The following FDFT1 variants were observed in gnomAD, a reference collection of about 807,000 sequenced individuals.
The protein encoded by FDFT1 is squalene synthase.
FDFT1 carries 68 observed loss-of-function variants against 46.8 expected under a neutral mutation model. The observed-to-expected ratio is 1.45, with a 90% confidence interval of 1.19 to 1.78. The LOEUF (loss-of-function observed/expected upper bound fraction) is 1.78, where lower values mean the gene tolerates loss of function less well. FDFT1 is among the 40% of genes most tolerant of loss of function. The probability of loss-of-function intolerance (pLI) is 0.00; values close to 1 mark genes in which losing one functional copy is unlikely to be tolerated. For missense variants in FDFT1, 928 were observed against 524.4 expected, an observed-to-expected ratio of 1.77 and a Z score of -7.52; for synonymous variants, 351 against 185.1, an observed-to-expected ratio of 1.90 and a Z score of -7.28.
intron 7 of FDFT1, among the ~76,000 whole-genome samples, chr8:11,835,063 G>A (rs952604225): frequency 2.6e-5 from 4 of 152,198 alleles, no homozygotes; most frequent in Non-Finnish European, 5.9e-5. Flanking sequence ...GGTGGAGGTT[G>A]TAGTGAGCTG....
chr8:11,819,127 G>C (rs983083436), intron 3 of FDFT1, among the ~76,000 whole-genome samples: 2 of 152,164 alleles, frequency 1.3e-5, no homozygotes, highest in African/African-American at 2.4e-5. Flanking sequence ...AGTTTGGCTG[G>C]TTATGAGATT....
upstream of FDFT1, among the ~76,000 whole-genome samples, chr8:11,799,992 A>G (rs928173670): frequency 4.0e-5 from 6 of 149,746 alleles, no homozygotes; most frequent in Non-Finnish European, 7.4e-5. Flanking sequence ...GGCTGGGCGC[A>G]GTGGCTTGCC....
chr8:11,832,391 C>T (rs1243850540), intron 7 of FDFT1, among the ~76,000 whole-genome samples: 2 of 151,164 alleles, frequency 1.3e-5, no homozygotes, highest in African/African-American at 4.9e-5. Context: ...CCCATTTCTA[C>T]AAAAAATTTA....
upstream of FDFT1, among the ~76,000 whole-genome samples, chr8:11,799,870 T>A (rs1038308140): frequency 2.1e-5 from 3 of 139,896 alleles, no homozygotes; most frequent in African/African-American, 8.1e-5. Flanking sequence ...CACTTGAACC[T>A]GGGAGCCAGA....
chr8:11,810,514 T>A (rs940897190), intron 3 of FDFT1, among the ~76,000 whole-genome samples: 114 of 152,372 alleles, frequency 7.5e-4, no homozygotes, highest in African/African-American at 2.7e-3. Flanking sequence ...AGGATTAATT[T>A]CGCACATATA....
In FDFT1 at chr8:11,821,934, T is replaced by A. The variant is rs145714111; in HGVS notation, c.510+56T>A. 628 of 1,585,490 alleles carry A rather than the reference T, an allele frequency of 4.0e-4. 2 individuals are homozygous for A. The African/African-American group carries it at 7.5e-3, about 19-fold the overall frequency. ...ATGTATTAGACAGAGCTGGCAGTCC[T>A]CATAGTGAAGCTCAGAACAAGAAAA... On this transcript the variant is annotated intron_variant, in intron 4 of 7. Coordinates refer to ENST00000220584, the MANE Select transcript of FDFT1 (RefSeq NM_004462.5).
At chr8:11,827,942 C>G (rs1416702182) in intron 5 of FDFT1, among the ~76,000 whole-genome samples, 1 of 152,020 alleles carries the variant, frequency 6.6e-6, no homozygotes, top group Non-Finnish European at 1.5e-5. Flanking sequence ...TGACTCCTGC[C>G]TATAATCCCA....
At chr8:11,805,537 G>C (rs1397613743) in intron 1 of FDFT1, among the ~76,000 whole-genome samples, 1 of 152,150 alleles carries the variant, frequency 6.6e-6, no homozygotes, top group Non-Finnish European at 1.5e-5. Flanking sequence ...TAAGTTAGGT[G>C]AACAACCTTG....
At chr8:11,830,797 C>G (rs934029642) in intron 6 of FDFT1, among the ~76,000 whole-genome samples, 1 of 152,200 alleles carries the variant, frequency 6.6e-6, no homozygotes, top group African/African-American at 2.4e-5. Context: ...TTACTGCTGT[C>G]CTTTTCCTAG....
In FDFT1 at chr8:11,833,045, G is replaced by C. The variant is rs141227374; in HGVS notation, c.1032+1375G>C. Among the ~76,000 whole-genome samples, 502 of 152,234 alleles carry C rather than the reference G, an allele frequency of 3.3e-3. 2 individuals are homozygous for C. The highest frequency in any genetic ancestry group is 0.011 in the African/African-American group (475 of 41,534). ...TTCCTCCCTACCTTTATCTGACACA[G>C]AAATGCTGTATGTCCAGAACTTCTA... On this transcript the variant is annotated intron_variant, in intron 7 of 7. Coordinates refer to ENST00000220584, the MANE Select transcript of FDFT1 (RefSeq NM_004462.5).
rs1001063540 is a variant in FDFT1 at position 11,827,077 on chromosome 8, GAAGGA to G, written c.702+866_702+870del. ...AAGCTTTTGATACTGATTTTGTTCA[GAAGGA>G]AAGTAGAAAATTTTATGACTGTTCC... On this transcript the variant is annotated intron_variant, in intron 5 of 7. Coordinates refer to ENST00000220584, the MANE Select transcript of FDFT1 (RefSeq NM_004462.5). Among the ~76,000 whole-genome samples, 8 of 152,314 alleles carry G rather than the reference GAAGGA, an allele frequency of 5.3e-5. No homozygotes were observed. The South Asian group carries it at 6.2e-4, about 12-fold the overall frequency.
chr8:11,828,889 C>T (rs1318311516), intron 5 of FDFT1, among the ~76,000 whole-genome samples: 1 of 152,222 alleles, frequency 6.6e-6, no homozygotes, highest in East Asian at 1.9e-4. Context: ...GGATAGACCA[C>T]ATTTATCCAT....
chr8:11,804,536 C>T (rs772221358), intron 1 of FDFT1, among the ~76,000 whole-genome samples: 2 of 151,252 alleles, frequency 1.3e-5, no homozygotes, highest in African/African-American at 4.9e-5. Flanking sequence ...ATACCTGAAC[C>T]TTTAATTAGG....
At chr8:11,834,837 C>T (rs193110434) in intron 7 of FDFT1, among the ~76,000 whole-genome samples, 41 of 152,266 alleles carry the variant, frequency 2.7e-4, no homozygotes, top group African/African-American at 9.6e-4. Context: ...GTCATTTAAT[C>T]ATCAAGCCTC....
Position 11,826,026 on chromosome 8 carries a change from C to A in FDFT1, c.513C>A (p.Tyr171Ter), listed in dbSNP as rs754529217. ...GCTTTAAAAATCGTCTCTTACAGTA[C>A]TGCCACTATGTTGCTGGGCTGGTCG... ...HVTSEQEWDKYCHYVAGLVGI... is the reference protein window; with the variant it reads ...HVTSEQEWDK The change falls in exon 5 of 8, where the codon TAC becomes TAA. Residue 171 changes from tyrosine to a stop codon, truncating the protein, a stop_gained and splice_region_variant. Transcript: ENST00000220584. LOFTEE classifies it high-confidence loss of function. 6.4e-7 allele frequency: 1 copy of A among 1,569,656 alleles called. No individual in the cohort carries two copies. The highest frequency in any genetic ancestry group is 8.7e-7 in the Non-Finnish European group (1 of 1,148,140).
chr8:11,822,289 C>T (rs563909022), intron 4 of FDFT1, among the ~76,000 whole-genome samples: 1 of 152,124 alleles, frequency 6.6e-6, no homozygotes, highest in Non-Finnish European at 1.5e-5. Flanking sequence ...ATTTAGCAGG[C>T]AGAGACATTT....
Position 11,821,887 on chromosome 8 carries a change from C to T in FDFT1, c.510+9C>T. 3 of 1,611,726 alleles carry T rather than the reference C, an allele frequency of 1.9e-6. No individual in the cohort carries two copies. Among genetic ancestry groups the T allele is most frequent in the South Asian group, 1.1e-5 (1 of 90,916 alleles). On this transcript the variant is annotated intron_variant, in intron 4 of 7. Coordinates refer to ENST00000220584, the MANE Select transcript of FDFT1 (RefSeq NM_004462.5). ...AACAGGAGTGGGACAAGGTTAGTCT[C>T]ATAAAACAGTGTCTGTGTGTGATGT...
Position 11,814,222 on chromosome 8 carries a change from T to G in FDFT1, c.381+4372T>G, listed in dbSNP as rs538898769. ...TTTCAGCCACAAGAAGGAATTACCT[T>G]TTGACATTGGCTTGAACAGCTGTTG... On this transcript the variant is annotated intron_variant, in intron 3 of 7. Coordinates refer to ENST00000220584, the MANE Select transcript of FDFT1 (RefSeq NM_004462.5). 3.9e-5 allele frequency among the ~76,000 whole-genome samples: 6 copies of G among 152,324 alleles called. No homozygotes were observed. The South Asian group carries it at 1.2e-3, about 32-fold the overall frequency.
At chr8:11,836,416 C>A (rs549486834) in intron 7 of FDFT1, among the ~76,000 whole-genome samples, 1 of 152,238 alleles carries the variant, frequency 6.6e-6, no homozygotes, top group Non-Finnish European at 1.5e-5. Flanking sequence ...GGGCTTCTGA[C>A]GAGCTGCAGG....
Sources: gnomAD v4.1 joint callset for allele counts (sites outside exome capture counted in the v4.1 genomes callset) on GRCh38, gnomAD v4.1.1 for gene constraint, MANE v1.5 for transcripts, NCBI Gene and HGNC (gene_info 2026-07-23, HGNC 2026-07-21) for gene names.